HTR7: variants seen among roughly 807,000 people sequenced by gnomAD.
HTR7 encodes 5-hydroxytryptamine receptor 7.
In HTR7, 16 loss-of-function variants were observed where a neutral mutation model predicts 34.0. The ratio of observed to expected loss-of-function variants is 0.47; its 90% CI spans 0.32 to 0.71. The LOEUF (loss-of-function observed/expected upper bound fraction) is 0.71. Among genes scored for constraint, HTR7 ranks in the 30% least tolerant of loss-of-function variants. The pLI, the probability that HTR7 is intolerant of heterozygous loss-of-function variation, is 0.04. For synonymous variants in HTR7, 265 were observed against 260.2 expected, an observed-to-expected ratio of 1.02 and a Z score of -0.18; for missense variants, 504 against 625.5, an observed-to-expected ratio of 0.81 and a Z score of 2.07.
chr10:90,781,747 T>C (rs1229444845), intron 1 of HTR7, among the ~76,000 whole-genome samples: 1 of 152,226 alleles, frequency 6.6e-6, no homozygotes, highest in African/African-American at 2.4e-5. Context: ...GAAATATTCA[T>C]GCTTCAGATT....
At chr10:90,793,460 A>T (rs1414531456) in intron 1 of HTR7, among the ~76,000 whole-genome samples, 2 of 147,712 alleles carry the variant, frequency 1.4e-5, no homozygotes, top group African/African-American at 5.0e-5. Context: ...ATTTCTAATT[A>T]TATATATATA....
chr10:90,760,643 G>A (rs1046745365), intron 1 of HTR7, among the ~76,000 whole-genome samples: 1 of 152,146 alleles, frequency 6.6e-6, no homozygotes, highest in Non-Finnish European at 1.5e-5. Context: ...AATTTGGGAG[G>A]CCAAGGCAAG....
chr10:90,744,040 G>C, intron 2 of HTR7: 6 of 422,722 alleles, frequency 1.4e-5, no homozygotes, highest in Non-Finnish European at 2.8e-5. Flanking sequence ...TATTATGTAG[G>C]AGAATACGTA....
rs550255211 is a variant in HTR7 at position 90,856,197 on chromosome 10, G to A, written c.539+936C>T. On this transcript the variant is annotated intron_variant, in intron 1 of 3. Coordinates refer to ENST00000336152, the MANE Select transcript of HTR7 (RefSeq NM_019859.4). The stretch of plus-strand genomic sequence containing the variant: ...AACAGGATACTAGTCTTGAAACACC[G>A]GCAAAATTCTGAGTGTGAATATTAA... Among the ~76,000 whole-genome samples, 7 of 152,236 alleles carry A rather than the reference G, an allele frequency of 4.6e-5. No individual in the cohort carries two copies. In the South Asian group the frequency reaches 1.0e-3, roughly 23 times the overall value.
intron 1 of HTR7, among the ~76,000 whole-genome samples, chr10:90,793,413 T>A (rs1845488904): frequency 6.6e-6 from 1 of 150,872 alleles, no homozygotes; most frequent in South Asian, 2.1e-4. Flanking sequence ...GCAAGAAGAG[T>A]TTAATATTGG....
chr10:90,827,905 G>T (rs1324261607), intron 1 of HTR7, among the ~76,000 whole-genome samples: 1 of 152,138 alleles, frequency 6.6e-6, no homozygotes, highest in Non-Finnish European at 1.5e-5. Context: ...TCATCCAATG[G>T]CTGGAGAACA....
chr10:90,836,410 G>A (rs183468042), intron 1 of HTR7, among the ~76,000 whole-genome samples: 4 of 152,236 alleles, frequency 2.6e-5, no homozygotes, highest in East Asian at 1.9e-4. Context: ...GGTCAGTATC[G>A]AACAATATTA....
chr10:90,786,477 A>G (rs1436240872), intron 1 of HTR7, among the ~76,000 whole-genome samples: 1 of 152,250 alleles, frequency 6.6e-6, no homozygotes, highest in African/African-American at 2.4e-5. Context: ...AAGAACCAAC[A>G]TAAGAATAGG....
intron 1 of HTR7, among the ~76,000 whole-genome samples, chr10:90,847,072 C>T (rs1328509608): frequency 6.6e-6 from 1 of 152,160 alleles, no homozygotes; most frequent in Non-Finnish European, 1.5e-5. Context: ...TATATTTACA[C>T]ACATAGATAT....
chr10:90,831,829 C>T (rs1846184368), intron 1 of HTR7, among the ~76,000 whole-genome samples: 1 of 152,142 alleles, frequency 6.6e-6, no homozygotes, highest in African/African-American at 2.4e-5. Context: ...GCACAGAGTG[C>T]TGATTGGTGT....
intron 1 of HTR7, among the ~76,000 whole-genome samples, chr10:90,770,174 C>T (rs1210334884): frequency 6.6e-6 from 1 of 152,176 alleles, no homozygotes; most frequent in Non-Finnish European, 1.5e-5. Context: ...AGGGAGGGCA[C>T]GGGAAGGAGG....
At chr10:90,767,061 C>T (rs536918815) in intron 1 of HTR7, among the ~76,000 whole-genome samples, 55 of 152,164 alleles carry the variant, frequency 3.6e-4, no homozygotes, top group Non-Finnish European at 7.4e-4. Flanking sequence ...CTGGACTCTA[C>T]CCACAAGCTG....
intron 1 of HTR7, among the ~76,000 whole-genome samples, chr10:90,796,046 T>G (rs1477893429): frequency 6.6e-6 from 1 of 152,220 alleles, no homozygotes; most frequent in African/African-American, 2.4e-5. Flanking sequence ...TCAGACTTAT[T>G]ATCTGTGTTG....
chr10:90,756,233 T>G (rs2119699271), intron 1 of HTR7, among the ~76,000 whole-genome samples: 1 of 152,310 alleles, frequency 6.6e-6, no homozygotes, highest in South Asian at 2.1e-4. Context: ...GAGGAAAGCT[T>G]GGAGTTCTGA....
intron 1 of HTR7, among the ~76,000 whole-genome samples, chr10:90,844,726 C>CAAAAAAAAAAA (rs71025328): frequency 5.1e-5 from 2 of 39,506 alleles, no homozygotes; most frequent in Non-Finnish European, 1.0e-4. Flanking sequence ...GACTCCGTCT[C>CAAAAAAAAAAA]AAAAAAAAAA....
rs1335592015 is a variant in HTR7 at position 90,741,185 on chromosome 10, T to C, written c.*1297A>G. ...AATATTCTCTTTCAGTTCACTCTTA[T>C]CAAATAAAGAATTGCATTCATTTTT... On this transcript the variant is annotated 3_prime_UTR_variant, in exon 4 of 4. Transcript: ENST00000336152. 6.6e-6 allele frequency: 1 copy of C among 152,614 alleles called. No homozygotes were observed. Among genetic ancestry groups the C allele is most frequent in the Non-Finnish European group, 1.5e-5 (1 of 68,028 alleles). The allele number at this position is 152,614 out of a possible 1,614,324, so 9.5% of individuals were successfully genotyped here.
At chr10:90,790,326 A>G (rs1021837855) in intron 1 of HTR7, among the ~76,000 whole-genome samples, 7 of 152,214 alleles carry the variant, frequency 4.6e-5, no homozygotes, top group Non-Finnish European at 1.0e-4. Flanking sequence ...CCCTCAAAAT[A>G]AAACTTTGCA....
chr10:90,801,893 ACT>A (rs1475237403), intron 1 of HTR7, among the ~76,000 whole-genome samples: 2 of 151,806 alleles, frequency 1.3e-5, no homozygotes, highest in Non-Finnish European at 2.9e-5. Flanking sequence ...GGGTGTAGTG[ACT>A]CTGGTGTATT....
intron 1 of HTR7, among the ~76,000 whole-genome samples, chr10:90,784,408 C>T (rs915596123): frequency 6.6e-6 from 1 of 152,158 alleles, no homozygotes; most frequent in Non-Finnish European, 1.5e-5. Flanking sequence ...GTCTGGCCCT[C>T]ATCTGCACAA....
Sources: gnomAD v4.1 joint callset for allele counts (sites outside exome capture counted in the v4.1 genomes callset) on GRCh38, gnomAD v4.1.1 for gene constraint, MANE v1.5 for transcripts, NCBI Gene and HGNC (gene_info 2026-07-23, HGNC 2026-07-21) for gene names.